The following CPNE4 variants were observed in gnomAD, a reference collection of about 807,000 sequenced individuals.
CPNE4 encodes copine-4.
Under a neutral mutation model 67.9 loss-of-function variants are expected in CPNE4, and 25 were observed. The ratio of observed to expected loss-of-function variants is 0.37; its 90% CI spans 0.27 to 0.51. The LOEUF (loss-of-function observed/expected upper bound fraction) is 0.51. CPNE4 is among the 20% of genes least tolerant of loss of function. The pLI, the probability that CPNE4 is intolerant of heterozygous loss-of-function variation, is 0.93. For missense variants in CPNE4, 464 were observed against 690.8 expected (o/e 0.67, Z 3.68); for synonymous variants, 242 against 244.9 (o/e 0.99, Z 0.11).
At chr3:131,543,666 T>C (rs1228075462) in intron 14 of CPNE4, among the ~76,000 whole-genome samples, 1 of 152,206 alleles carries the variant, frequency 6.6e-6, no homozygotes, top group African/African-American at 2.4e-5. Context: ...AAAATGGATT[T>C]CTCTGTTTCT....
chr3:132,026,696 T>G (rs1257652959), intron 1 of CPNE4, among the ~76,000 whole-genome samples: 3 of 152,196 alleles, frequency 2.0e-5, no homozygotes, highest in Non-Finnish European at 4.4e-5. Flanking sequence ...CTGAAATAAA[T>G]TAACATTACT....
intron 5 of CPNE4, among the ~76,000 whole-genome samples, chr3:131,694,395 C>G (rs988326224): frequency 6.6e-6 from 1 of 152,150 alleles, no homozygotes; most frequent in African/African-American, 2.4e-5. Flanking sequence ...TATTCTATTT[C>G]TATCACAAAA....
At chr3:131,689,823 A>G (rs73218444) in intron 5 of CPNE4, among the ~76,000 whole-genome samples, 4,822 of 152,258 alleles carry the variant, frequency 0.032, 108 homozygotes, top group East Asian at 0.1. Context: ...CCTAAAGACT[A>G]TGGTGAAAGA....
chr3:131,935,766 C>T (rs76441245), intron 1 of CPNE4, among the ~76,000 whole-genome samples: 2,914 of 151,994 alleles, frequency 0.019, 33 homozygotes, highest in Middle Eastern at 0.044. Context: ...TTCAACCAAA[C>T]GTCAATCTAG....
At chr3:131,770,189 G>A (rs2083130515) in intron 2 of CPNE4, among the ~76,000 whole-genome samples, 1 of 152,158 alleles carries the variant, frequency 6.6e-6, no homozygotes, top group Non-Finnish European at 1.5e-5. Context: ...TTGCGTTAGT[G>A]TATTGCAAAT....
chr3:131,985,959 T>C (rs1369935809), intron 1 of CPNE4: 1 of 154,176 alleles, frequency 6.5e-6, no homozygotes, highest in Non-Finnish European at 1.5e-5. Context: ...GAAATAATTC[T>C]AAGGGTTTTC....
intron 7 of CPNE4, among the ~76,000 whole-genome samples, chr3:131,603,229 TAGA>T (rs1288081011): frequency 1.3e-5 from 2 of 152,122 alleles, no homozygotes; most frequent in African/African-American, 2.4e-5. Context: ...GTGCAGTATA[TAGA>T]AGAACAGCAA....
chr3:131,809,696 T>A (rs1474522719), intron 2 of CPNE4, among the ~76,000 whole-genome samples: 1 of 152,112 alleles, frequency 6.6e-6, no homozygotes, highest in Non-Finnish European at 1.5e-5. Context: ...ATCATAAGCT[T>A]CAATGTTTAT....
At chr3:132,037,579 T>C (rs1022682518), upstream of CPNE4, 1 of 1,535,862 alleles carries the variant, frequency 6.5e-7, no homozygotes, top group African/African-American at 1.4e-5. Flanking sequence ...CTCCTTTTAA[T>C]GGATTCTGAG....
At chr3:131,910,602 TA>T (rs1306438438) in intron 1 of CPNE4, among the ~76,000 whole-genome samples, 1 of 152,156 alleles carries the variant, frequency 6.6e-6, no homozygotes, top group African/African-American at 2.4e-5. Context: ...AGGTTCAGCC[TA>T]TTTAACTCCA....
chr3:131,626,440 G>A (rs915083614), intron 7 of CPNE4, among the ~76,000 whole-genome samples: 4 of 152,100 alleles, frequency 2.6e-5, no homozygotes, highest in African/African-American at 7.2e-5. Flanking sequence ...TTAGTGGTTC[G>A]GATAAAAAAT....
chr3:131,692,440 TA>T (rs2081056351), intron 5 of CPNE4, among the ~76,000 whole-genome samples: 1 of 152,216 alleles, frequency 6.6e-6, no homozygotes, highest in South Asian at 2.1e-4. Context: ...CAGGCATACT[TA>T]AACATAGTAA....
chr3:131,813,611 A>C (rs1255575798), intron 2 of CPNE4, among the ~76,000 whole-genome samples: 1 of 152,086 alleles, frequency 6.6e-6, no homozygotes, highest in African/African-American at 2.4e-5. Flanking sequence ...TTTTAAAAGT[A>C]GCTTATCTAA....
intron 7 of CPNE4, among the ~76,000 whole-genome samples, chr3:131,588,729 T>C (rs1002644710): frequency 6.6e-6 from 1 of 152,146 alleles, no homozygotes; most frequent in Non-Finnish European, 1.5e-5. Flanking sequence ...ATTCAGTTAC[T>C]ACAAACAGAA....
chr3:131,923,731 T>TAAAAAAAAAAAAG, intron 1 of CPNE4, among the ~76,000 whole-genome samples: 1 of 107,118 alleles, frequency 9.3e-6, no homozygotes, highest in Non-Finnish European at 2.0e-5. Flanking sequence ...AAAAAAAAAT[T>TAAAAAAAAAAAAG]AAAAAAAAAT....
At chr3:131,698,233 C>CAAA (rs369274504) in intron 4 of CPNE4, among the ~76,000 whole-genome samples, 37 of 64,414 alleles carry the variant, frequency 5.7e-4, no homozygotes, top group East Asian at 3.0e-3. Context: ...GGCTCTGTCT[C>CAAA]AAAAAAAAAA....
chr3:131,667,945 C>T (rs773309880), intron 7 of CPNE4, among the ~76,000 whole-genome samples: 4 of 152,162 alleles, frequency 2.6e-5, no homozygotes, highest in Non-Finnish European at 5.9e-5. Context: ...TGCTACTCAA[C>T]GTGTAAGTGA....
chr3:131,905,210 T>C (rs915547167), intron 2 of CPNE4, 54 bp downstream of exon 2: 2 of 1,475,070 alleles, frequency 1.4e-6, no homozygotes, highest in African/African-American at 1.4e-5. Context: ...TATCAAAACA[T>C]TTTTGAGCCA....
intron 1 of CPNE4, among the ~76,000 whole-genome samples, chr3:131,942,232 TTC>T (rs1470521804): frequency 6.6e-6 from 1 of 152,178 alleles, no homozygotes; most frequent in African/African-American, 2.4e-5. Context: ...ACTTATTGCT[TTC>T]TCTCTCTTTA....
Sources: allele counts gnomAD v4.1 joint callset (sites outside exome capture counted in the v4.1 genomes callset), GRCh38; gene constraint gnomAD v4.1.1; transcripts MANE v1.5; gene names NCBI Gene and HGNC (gene_info 2026-07-23, HGNC 2026-07-21).